SEMA3B: variants seen among roughly 807,000 people sequenced by gnomAD.
SEMA3B encodes the protein semaphorin-3B.
In SEMA3B, 71 loss-of-function variants were observed where a neutral mutation model predicts 77.8. That is an observed-to-expected ratio of 0.91 (90% CI 0.75 to 1.11). The LOEUF is 1.11. Ranked by LOEUF, SEMA3B falls within the 50% of genes most tolerant of loss-of-function variation. The pLI, the probability that SEMA3B is intolerant of heterozygous loss-of-function variation, is 0.00. For synonymous variants in SEMA3B, 470 were observed against 452.9 expected (o/e 1.04, Z -0.48); for missense variants, 968 against 1,056.8 (o/e 0.92, Z 1.17).
In SEMA3B at chr3:50,273,783, G is replaced by T. The variant is rs868935752; in HGVS notation, c.947G>T (p.Arg316Leu). ...GAGGATGTGTTTCTGTTGTCCTCGC[G>T]GGACCACCGGACCCCGCTGCTCTAT... ...QLQDVFLLSSRDHRTPLLYAV... is the reference protein window; with the variant it reads ...QLQDVFLLSSLDHRTPLLYAV... Residue 316 changes from arginine to leucine, a missense_variant, in exon 9 of 17, where the codon CGG becomes CTG. By Grantham distance (102) the Arg-to-Leu change is moderately radical. Transcript: ENST00000616701. The surrounding 1 kb of genome is among the most constrained non-coding windows in gnomAD (Gnocchi z 6.5). The T allele has an allele frequency of 6.3e-7, 1 of 1,594,304 alleles. No homozygotes were observed.
In SEMA3B at chr3:50,275,883, C is replaced by A. The variant is rs782050607; in HGVS notation, c.1845+39C>A. On this transcript the variant is annotated intron_variant, in intron 16 of 16. Transcript: ENST00000616701. The surrounding 1 kb of genome is among the most constrained non-coding windows in gnomAD (Gnocchi z 7.5). Reference sequence around the variant, plus strand: ...CGCCCTCCCCGCCAGGCTCCTGTCCCACCCCCTGCATCCAGGAGAGGCCCC... The same window carrying A: ...CGCCCTCCCCGCCAGGCTCCTGTCCAACCCCCTGCATCCAGGAGAGGCCCC... 6.5e-7 allele frequency: 1 copy of A among 1,550,292 alleles called. No individual in the cohort carries two copies.
upstream of SEMA3B, chr3:50,268,979 G>C: frequency 1.8e-6 from 1 of 552,812 alleles, no homozygotes; most frequent in Non-Finnish European, 3.2e-6. Flanking sequence ...GGGTGACCCT[G>C]AGGGTGTGCC....
Position 50,276,987 on chromosome 3 carries a change from C to T in SEMA3B, c.*281C>T, listed in dbSNP as rs893313321. 7 of 427,268 alleles carry T rather than the reference C, an allele frequency of 1.6e-5. No individual in the cohort carries two copies. Among genetic ancestry groups the T allele is most frequent in the Middle Eastern group, 5.9e-4 (1 of 1,704 alleles). The allele number at this position is 427,268 out of a possible 1,614,324, so 26.5% of individuals were successfully genotyped here. A position where few individuals can be genotyped will look rare whatever the true frequency, so the allele number is the denominator to read the frequency against. ...CGAGCTCCAGAGCAACGACCAGGGC[C>T]GAGGAGGTGCCTGGAGTGCCCACCC... On this transcript the variant is annotated 3_prime_UTR_variant, in exon 17 of 17. Coordinates refer to ENST00000616701, the MANE Select transcript of SEMA3B (RefSeq NM_001290060.2). This position sits in a 1 kb window ranked among gnomAD's most constrained non-coding sequence, Gnocchi z 5.8.
chr3:50,270,326 C>G lies in SEMA3B; in HGVS notation c.267+42C>G, dbSNP rs1553705136. ...ACCCCAGCACTCCCCAGGGAAGGAG[C>G]CCTGGGACCCCACTCCAGCCTGGAG... On this transcript the variant is annotated intron_variant, in intron 2 of 16. Transcript: ENST00000616701. This position sits in a 1 kb window ranked among gnomAD's most constrained non-coding sequence, Gnocchi z 4.7. 1 of 1,608,978 alleles carries G rather than the reference C, an allele frequency of 6.2e-7. No homozygotes were observed. Among genetic ancestry groups the G allele is most frequent in the East Asian group, 2.2e-5 (1 of 44,754 alleles).
chr3:50,275,661 A>C lies in SEMA3B; in HGVS notation c.1706-44A>C, dbSNP rs1553706467. The C allele has an allele frequency of 2.5e-6, 4 of 1,613,124 alleles. No individual in the cohort carries two copies. Among genetic ancestry groups the C allele is most frequent in the Non-Finnish European group, 3.4e-6 (4 of 1,179,490 alleles). ...TACCCTCAGCCCCAGAAGACGCCCC[A>C]CCTGCCCTGCCTTGCCTAAATCTGA... On this transcript the variant is annotated intron_variant, in intron 15 of 16. Transcript: ENST00000616701. The surrounding 1 kb of genome is among the most constrained non-coding windows in gnomAD (Gnocchi z 7.5).
chr3:50,275,003 C>A lies in SEMA3B; in HGVS notation c.1450-9C>A. The A allele has an allele frequency of 6.3e-7, 1 of 1,595,126 alleles. No homozygotes were observed. The highest frequency in any genetic ancestry group is 8.6e-7 in the Non-Finnish European group (1 of 1,168,132). ...AAGCCCTGACCCCGTCGCCCCTCCT[C>A]CCTCTCAGGACTCGGCCGCTGTCAC... is the stretch of plus-strand genomic sequence containing the variant. On this transcript the variant is annotated splice_polypyrimidine_tract_variant and intron_variant, in intron 12 of 16. Transcript: ENST00000616701. The surrounding 1 kb of genome is among the most constrained non-coding windows in gnomAD (Gnocchi z 7.5).
rs957489642 is a variant in SEMA3B at position 50,276,742 on chromosome 3, C to T, written c.*36C>T. On this transcript the variant is annotated 3_prime_UTR_variant, in exon 17 of 17. Transcript: ENST00000616701. This position sits in a 1 kb window ranked among gnomAD's most constrained non-coding sequence, Gnocchi z 5.8. ...CCCACGCCGGGAACCAAGCAGGAGA[C>T]GACAGGCGAGAGAGGAGCCAGACAG... The T allele has an allele frequency of 6.9e-6, 10 of 1,450,672 alleles. No homozygotes were observed. The highest frequency in any genetic ancestry group is 2.7e-5 in the Admixed American group (1 of 37,622). The allele number at this position is 1,450,672 out of a possible 1,614,324, so 89.9% of individuals were successfully genotyped here. A position where few individuals can be genotyped will look rare whatever the true frequency, so the allele number is the denominator to read the frequency against.
rs1379918922 is a variant in SEMA3B at position 50,275,143 on chromosome 3, TC to T, written c.1491+93del. On this transcript the variant is annotated intron_variant, in intron 13 of 16. Coordinates refer to ENST00000616701, the MANE Select transcript of SEMA3B (RefSeq NM_001290060.2). This position sits in a 1 kb window ranked among gnomAD's most constrained non-coding sequence, Gnocchi z 7.5. ...TCTGGCCCCTTTTGGTAGTTTGCAG[TC>T]CCGGGTTTGAGTACAGGCTCTGGCT... 6.1e-6 allele frequency: 9 copies of T among 1,487,368 alleles called. No homozygotes were observed. Among genetic ancestry groups the T allele is most frequent in the Non-Finnish European group, 8.1e-6 (9 of 1,115,030 alleles). 92.1% of individuals were successfully genotyped at this position (1,487,368 alleles called of 1,614,324 possible). A position where few individuals can be genotyped will look rare whatever the true frequency, so the allele number is the denominator to read the frequency against.
Position 50,276,419 on chromosome 3 carries a change from C to A in SEMA3B, c.1963C>A (p.Leu655Met), listed in dbSNP as rs1701249458. ...CGTCGAGCAGGGCTTTACGCAACCGCTGCGTCGCCTGTCGCTGCACGTGTT... is the reference window on the plus strand; with the variant it reads ...CGTCGAGCAGGGCTTTACGCAACCGATGCGTCGCCTGTCGCTGCACGTGTT... ...AAVEQGFTQP[L>M]RRLSLHVLSA... The change falls in exon 17 of 17, where the codon CTG becomes ATG. Residue 655 changes from leucine (L) to methionine (M), a missense_variant. Leu to Met is a conservative substitution (Grantham distance 15). Transcript: ENST00000616701. The surrounding 1 kb of genome is among the most constrained non-coding windows in gnomAD (Gnocchi z 5.8). 2.6e-6 allele frequency: 4 copies of A among 1,536,408 alleles called. No homozygotes were observed. Among genetic ancestry groups the A allele is most frequent in the African/African-American group, 2.7e-5 (2 of 72,886 alleles).
chr3:50,272,855 A>AATAATAATAAT (rs375252497), intron 6 of SEMA3B, among the ~76,000 whole-genome samples: 75 of 145,586 alleles, frequency 5.2e-4, no homozygotes, highest in Middle Eastern at 3.5e-3. Flanking sequence ...ATAAATAAAC[A>AATAATAATAAT]AATAATAATA....
At position 50,274,735 on chromosome 3, in the gene SEMA3B, A is replaced by G. The variant is rs1701172279; in HGVS notation, c.1358-108A>G. 4.9e-6 allele frequency: 7 copies of G among 1,420,406 alleles called. No individual in the cohort carries two copies. Among genetic ancestry groups the G allele is most frequent in the Non-Finnish European group, 6.8e-6 (7 of 1,033,208 alleles). The allele number at this position is 1,420,406 out of a possible 1,614,324, so 88.0% of individuals were successfully genotyped here. A position where few individuals can be genotyped will look rare whatever the true frequency, so the allele number is the denominator to read the frequency against. The stretch of plus-strand genomic sequence containing the variant: ...CCCAACCCACACTCTTCCAGTCCAC[A>G]CTCTTCACAACCCAAACATGCTGAG... On this transcript the variant is annotated intron_variant, in intron 11 of 16. Coordinates refer to ENST00000616701, the MANE Select transcript of SEMA3B (RefSeq NM_001290060.2). The surrounding 1 kb of genome is among the most constrained non-coding windows in gnomAD (Gnocchi z 4.7).
upstream of SEMA3B, among the ~76,000 whole-genome samples, chr3:50,268,147 G>A (rs587652030): frequency 1.2e-4 from 18 of 152,320 alleles, no homozygotes; most frequent in African/African-American, 4.1e-4. Context: ...GGAGGCTGGG[G>A]TGCAAATGAA....
At position 50,273,075 on chromosome 3, in the gene SEMA3B, C is replaced by T; in HGVS notation, c.665-223C>T. ...TCACGCCTGCGCCCCCAGGTAGCCA[C>T]GGTCTCTGCTGCCCCCTCGCGGCTG... On this transcript the variant is annotated intron_variant, in intron 6 of 16. Transcript: ENST00000616701. This position sits in a 1 kb window ranked among gnomAD's most constrained non-coding sequence, Gnocchi z 6.5. 4 of 618,436 alleles carry T rather than the reference C, an allele frequency of 6.5e-6. No individual in the cohort carries two copies. The highest frequency in any genetic ancestry group is 3.6e-5 in the Admixed American group (1 of 27,682). 38.3% of individuals were successfully genotyped at this position (618,436 alleles called of 1,614,324 possible). A position where few individuals can be genotyped will look rare whatever the true frequency, so the allele number is the denominator to read the frequency against.
At position 50,275,803 on chromosome 3, in the gene SEMA3B, G is replaced by C; in HGVS notation, c.1804G>C (p.Glu602Gln). The C allele has an allele frequency of 6.2e-7, 1 of 1,611,356 alleles. No individual in the cohort carries two copies. The highest frequency in any genetic ancestry group is 8.5e-7 in the Non-Finnish European group (1 of 1,179,688). Residue 602 changes from glutamate to glutamine, a missense_variant, in exon 16 of 17, where the codon GAG (glutamate) becomes CAG (glutamine). Physicochemically the swap from Glu to Gln is conservative, Grantham distance 29. Transcript: ENST00000616701. This position sits in a 1 kb window ranked among gnomAD's most constrained non-coding sequence, Gnocchi z 7.5. ...CEPRSLQARV[E>Q]WTFQRAGVTA... Reference sequence around the variant, plus strand: ...GCCCCGCTCGCTGCAGGCGCGCGTGGAGTGGACTTTCCAGCGCGCAGGGGT... The same window carrying C: ...GCCCCGCTCGCTGCAGGCGCGCGTGCAGTGGACTTTCCAGCGCGCAGGGGT...
At position 50,270,465 on chromosome 3, in the gene SEMA3B, G is replaced by A. The variant is rs201692256; in HGVS notation, c.300G>A (p.Glu100=). The change falls in exon 3 of 17, where the codon GAG becomes GAA. Residue 100 remains glutamate (E), a synonymous_variant. Transcript: ENST00000616701. The surrounding 1 kb of genome is among the most constrained non-coding windows in gnomAD (Gnocchi z 4.7). ...LAWPAPVEWR[E]ECNWAGKDIG... ...GGCCGGCCCCTGTGGAATGGCGAGA[G>A]GAGTGCAACTGGGCAGGGAAGGACA... is the stretch of plus-strand genomic sequence containing the variant. The A allele has an allele frequency of 1.2e-5, 19 of 1,613,722 alleles. No homozygotes were observed. Among genetic ancestry groups the A allele is most frequent in the Admixed American group, 8.3e-5 (5 of 60,028 alleles).
chr3:50,270,723 C>G lies in SEMA3B; in HGVS notation c.331-167C>G. 8.0e-7 allele frequency: 1 copy of G among 1,252,708 alleles called. No individual in the cohort carries two copies. The highest frequency in any genetic ancestry group is 1.1e-6 in the Non-Finnish European group (1 of 915,148). 77.6% of individuals were successfully genotyped at this position (1,252,708 alleles called of 1,614,324 possible). On this transcript the variant is annotated intron_variant, in intron 3 of 16. Coordinates refer to ENST00000616701, the MANE Select transcript of SEMA3B (RefSeq NM_001290060.2). This position sits in a 1 kb window ranked among gnomAD's most constrained non-coding sequence, Gnocchi z 4.7. ...GCCTGTGCTTCCCCAGACACCCACC[C>G]TCGTGAGGCCTGGGCTGGTCAGCAA...
In SEMA3B at chr3:50,275,435, C is replaced by G; in HGVS notation, c.1625C>G (p.Thr542Arg). 2.5e-6 allele frequency: 4 copies of G among 1,605,856 alleles called. No homozygotes were observed. The highest frequency in any genetic ancestry group is 3.4e-6 in the Non-Finnish European group (4 of 1,176,024). Residue 542 changes from threonine to arginine, a missense_variant, in exon 14 of 17, where the codon ACG becomes AGG. Coordinates refer to ENST00000616701, the MANE Select transcript of SEMA3B (RefSeq NM_001290060.2). The surrounding 1 kb of genome is among the most constrained non-coding windows in gnomAD (Gnocchi z 7.5). ...TGCGCCTGGGACGGGGTCGCGTGCACGCGCTTCCAGCCCAGTGCCAAGAGG... is the reference window on the plus strand; with the variant it reads ...TGCGCCTGGGACGGGGTCGCGTGCAGGCGCTTCCAGCCCAGTGCCAAGAGG... ...PYCAWDGVAC[T>R]RFQPSAKRRF...
rs1701026221 is a variant in SEMA3B, at chr3:50,270,804, G to C, written c.331-86G>C. On this transcript the variant is annotated intron_variant, in intron 3 of 16. Coordinates refer to ENST00000616701, the MANE Select transcript of SEMA3B (RefSeq NM_001290060.2). The surrounding 1 kb of genome is among the most constrained non-coding windows in gnomAD (Gnocchi z 4.7). Reference sequence around the variant, plus strand: ...TACTTGCCTGGGCTGATGCCGAAGAGAGGGAGGGGTGAGGATGCCACTGGT... The same window carrying C: ...TACTTGCCTGGGCTGATGCCGAAGACAGGGAGGGGTGAGGATGCCACTGGT... 6.5e-7 allele frequency: 1 copy of C among 1,534,564 alleles called. No individual in the cohort carries two copies. Among genetic ancestry groups the C allele is most frequent in the Non-Finnish European group, 8.8e-7 (1 of 1,136,162 alleles).
chr3:50,269,247 C>G lies in SEMA3B; in HGVS notation c.7C>G (p.Arg3Gly). ...AGCACCCTGAGCTGCTGAGATGGGG[C>G]GGGCCGGGGCTGCCGCCGTGATCCC... MG[R>G]AGAAAVIPGL... The change falls in exon 1 of 17, where the codon CGG becomes GGG. Residue 3 changes from arginine to glycine, a missense_variant. Arg to Gly is a moderately radical substitution (Grantham distance 125). Transcript: ENST00000616701. This position sits in a 1 kb window ranked among gnomAD's most constrained non-coding sequence, Gnocchi z 4.0. The G allele has an allele frequency of 6.5e-7, 1 of 1,535,852 alleles. No homozygotes were observed. The highest frequency in any genetic ancestry group is 1.2e-5 in the South Asian group (1 of 84,016).
Sources: allele counts gnomAD v4.1 joint callset (sites outside exome capture counted in the v4.1 genomes callset), GRCh38; gene constraint gnomAD v4.1.1; non-coding constraint Gnocchi (gnomAD v3.1); transcripts MANE v1.5; gene names NCBI Gene and HGNC (gene_info 2026-07-23, HGNC 2026-07-21).